TTC6: variants seen among roughly 807,000 people sequenced by gnomAD.
The protein encoded by TTC6 is tetratricopeptide repeat domain 6, also known as tetratricopeptide repeat protein 6.
TTC6 carries 172 observed loss-of-function variants against 210.4 expected under a neutral mutation model. That is an observed-to-expected ratio of 0.82 (90% CI 0.72 to 0.93). TTC6 has a LOEUF of 0.93. Ranked by LOEUF, TTC6 falls within the 40% of genes least tolerant of loss-of-function variation. The pLI, the probability that TTC6 is intolerant of heterozygous loss-of-function variation, is 0.00. For missense variants in TTC6, 2,414 were observed against 2,318.1 expected (o/e 1.04, Z -0.85); for synonymous variants, 804 against 819.6 (o/e 0.98, Z 0.32).
At chr14:37,766,819 A>C (rs2096000989) in intron 14 of TTC6, among the ~76,000 whole-genome samples, 1 of 151,994 alleles carries the variant, frequency 6.6e-6, no homozygotes, top group Non-Finnish European at 1.5e-5. Context: ...TTATTATTAT[A>C]CTTTAAGTTT....
exon 28 of TTC6, chr14:37,826,336 G>A: frequency 6.2e-7 from 1 of 1,601,702 alleles, no homozygotes; most frequent in Non-Finnish European, 8.5e-7. Context: ...GGATATTAAT[G>A]CTGCCATGAA....
At chr14:37,638,083 G>C (rs2095684538) in intron 1 of TTC6, among the ~76,000 whole-genome samples, 1 of 152,072 alleles carries the variant, frequency 6.6e-6, no homozygotes, top group South Asian at 2.1e-4. Flanking sequence ...CAACAACCCA[G>C]ATGTCCTTCA....
chr14:37,780,883 G>C (rs772989865), intron 14 of TTC6, among the ~76,000 whole-genome samples: 1 of 151,994 alleles, frequency 6.6e-6, no homozygotes, highest in Non-Finnish European at 1.5e-5. Context: ...GTAGTGTTTG[G>C]TTTTCTGATC....
At chr14:37,760,931 T>C (rs1179268577) in intron 14 of TTC6, among the ~76,000 whole-genome samples, 2 of 152,162 alleles carry the variant, frequency 1.3e-5, no homozygotes, top group Non-Finnish European at 2.9e-5. Context: ...TTCAAGCCAG[T>C]GGTTCTTAGC....
chr14:37,638,258 T>C (rs1247474980), intron 1 of TTC6, among the ~76,000 whole-genome samples: 1 of 152,180 alleles, frequency 6.6e-6, no homozygotes, highest in Non-Finnish European at 1.5e-5. Context: ...TTTTCTTTTT[T>C]ATTTTTATTT....
exon 1 of TTC6, chr14:37,622,455 C>G: frequency 6.5e-7 from 1 of 1,535,184 alleles, no homozygotes; most frequent in Non-Finnish European, 8.7e-7. Context: ...CCTACGGCAC[C>G]AGGCCCTGAA....
exon 9 of TTC6, chr14:37,737,715 C>G: frequency 6.6e-7 from 1 of 1,513,920 alleles, no homozygotes; most frequent in Non-Finnish European, 8.8e-7. Context: ...TGGTTTAGTG[C>G]ACAACCTACA....
intron 3 of TTC6, among the ~76,000 whole-genome samples, chr14:37,694,480 T>C (rs2095810610): frequency 6.6e-6 from 1 of 152,130 alleles, no homozygotes; most frequent in Non-Finnish European, 1.5e-5. Context: ...TTGATGGGAA[T>C]GTAAATTAGT....
intron 29 of TTC6, among the ~76,000 whole-genome samples, chr14:37,834,581 GT>G (rs547923860): frequency 7.2e-5 from 11 of 151,732 alleles, no homozygotes; most frequent in Non-Finnish European, 8.8e-5. Flanking sequence ...AAATCATGAA[GT>G]TTTTTTTATT....
exon 13 of TTC6, chr14:37,751,096 C>G: frequency 6.6e-7 from 1 of 1,524,842 alleles, no homozygotes; most frequent in Non-Finnish European, 8.8e-7. Flanking sequence ...GAAAAAAAGA[C>G]ATAACTTTGG....
intron 1 of TTC6, among the ~76,000 whole-genome samples, chr14:37,672,331 A>G (rs1033439968): frequency 1.3e-5 from 2 of 152,162 alleles, no homozygotes; most frequent in Non-Finnish European, 2.9e-5. Flanking sequence ...TCTCTAAATA[A>G]ATTAGATTCC....
chr14:37,797,367 A>G (rs2096095135), intron 20 of TTC6, among the ~76,000 whole-genome samples: 1 of 152,048 alleles, frequency 6.6e-6, no homozygotes, highest in Non-Finnish European at 1.5e-5. Context: ...AATTTGGTGG[A>G]TAAAAATTTA....
In TTC6 at chr14:37,679,676, CA is replaced by C. The variant is rs527836674; in HGVS notation, c.940-467del. Among the ~76,000 whole-genome samples, 172 of 151,366 alleles carry C rather than the reference CA, an allele frequency of 1.1e-3. No homozygotes were observed. The East Asian group carries it at 0.016, about 14-fold the overall frequency. ...AAAGCCATGAAATTGAAAACATAGG[CA>C]AAAAAAATTTATATTTATTTATTTA... On this transcript the variant is annotated intron_variant, in intron 1 of 30. Transcript: ENST00000553443.
At chr14:37,608,233 G>C (rs1026723866) in intron 2 of TTC6, among the ~76,000 whole-genome samples, 1 of 151,962 alleles carries the variant, frequency 6.6e-6, no homozygotes, top group African/African-American at 2.4e-5. Flanking sequence ...TCAACAATCG[G>C]TATTTTTATT....
chr14:37,614,107 C>G (rs2095638879), intron 2 of TTC6, among the ~76,000 whole-genome samples: 1 of 152,040 alleles, frequency 6.6e-6, no homozygotes, highest in African/African-American at 2.4e-5. Context: ...TCCTTCTAAA[C>G]ACTGCTTCAG....
chr14:37,767,886 C>A (rs1458795587), intron 14 of TTC6, among the ~76,000 whole-genome samples: 1 of 145,408 alleles, frequency 6.9e-6, no homozygotes, highest in South Asian at 2.3e-4. Context: ...ATGCCTATGT[C>A]CTGAATGGTA....
At chr14:37,635,215 G>C (rs867776767) in intron 1 of TTC6, among the ~76,000 whole-genome samples, 1 of 152,148 alleles carries the variant, frequency 6.6e-6, no homozygotes, top group African/African-American at 2.4e-5. Context: ...GGGAGGTAAG[G>C]TTTTCATGTG....
At chr14:37,756,688 G>T (rs2095968789) in intron 14 of TTC6, among the ~76,000 whole-genome samples, 1 of 152,144 alleles carries the variant, frequency 6.6e-6, no homozygotes, top group South Asian at 2.1e-4. Flanking sequence ...TGCATCCCAG[G>T]GATAAAGCCG....
intron 1 of TTC6, among the ~76,000 whole-genome samples, chr14:37,623,556 A>T (rs2095655219): frequency 6.6e-6 from 1 of 152,158 alleles, no homozygotes; most frequent in Non-Finnish European, 1.5e-5. Context: ...TGTGTGCCAA[A>T]CTCTATGGGA....
Sources: allele counts gnomAD v4.1 joint callset (sites outside exome capture counted in the v4.1 genomes callset), GRCh38; gene constraint gnomAD v4.1.1; transcripts MANE v1.5; gene names NCBI Gene and HGNC (gene_info 2026-07-23, HGNC 2026-07-21).